The following DPH1 variants were observed in gnomAD, a reference collection of about 807,000 sequenced individuals.
DPH1 encodes diphthamide biosynthesis 1, also known as 2-(3-amino-3-carboxypropyl)histidine synthase subunit 1.
In DPH1, 59 loss-of-function variants were observed where a neutral mutation model predicts 55.3. The ratio of observed to expected loss-of-function variants is 1.07; its 90% CI spans 0.87 to 1.33. DPH1 has a LOEUF of 1.33. Ranked by LOEUF, DPH1 falls within the 40% of genes most tolerant of loss-of-function variation. DPH1 has a pLI of 0.00. For synonymous variants in DPH1, 238 were observed against 235.5 expected, an observed-to-expected ratio of 1.01 and a Z score of -0.10; for missense variants, 628 against 584.8, an observed-to-expected ratio of 1.07 and a Z score of -0.76.
At chr17:2,037,002 A>G (rs2067437806) in intron 6 of DPH1, 46 bp downstream of exon 6, 1 of 1,576,398 alleles carries the variant, frequency 6.3e-7, no homozygotes, top group African/African-American at 1.4e-5. Flanking sequence ...ACATGCGTGT[A>G]CCCTGGGAGG....
chr17:2,030,351 G>A, intron 1 of DPH1, 121 bp downstream of exon 1: 1 of 1,219,838 alleles, frequency 8.2e-7, no homozygotes, highest in South Asian at 1.6e-5. Flanking sequence ...CCCGCTGTTA[G>A]TCGCCTTGGG....
In DPH1 at chr17:2,041,655, G is replaced by A. The variant is rs1460765618; in HGVS notation, c.1227+34G>A. ...GGGCTTCCAGGAGGGAGGAGAGACC[G>A]CGCCTGGGCACTGGCCGCCGCCCTG... On this transcript the variant is annotated intron_variant, in intron 11 of 12. Coordinates refer to ENST00000263083, the MANE Select transcript of DPH1 (RefSeq NM_001383.6). 12 of 1,589,370 alleles carry A rather than the reference G, an allele frequency of 7.6e-6. No individual in the cohort carries two copies. In the East Asian group the frequency reaches 1.4e-4, roughly 18 times the overall value.
chr17:2,042,362 C>T (rs1215063331), intron 12 of DPH1: 3 of 1,332,052 alleles, frequency 2.3e-6, no homozygotes, highest in African/African-American at 1.5e-5. Context: ...CTTCATTTCT[C>T]GCGACCCATA....
chr17:2,037,745 C>T (rs1033134313), intron 6 of DPH1, among the ~76,000 whole-genome samples: 4 of 152,340 alleles, frequency 2.6e-5, no homozygotes, highest in South Asian at 2.1e-4. Flanking sequence ...TTATCTTCCA[C>T]GCTCTGTAAT....
In DPH1 at chr17:2,040,344, G is replaced by T. The variant is rs1385721178; in HGVS notation, c.876G>T (p.Leu292Phe). ...CCTGGGGCCTTATTCTGGGCACTTT[G>T]GGCCGCCAGGGCAGTCCTAAGATCC... ...AKSWGLILGT[L>F]GRQGSPKILE... Residue 292 changes from leucine (L) to phenylalanine (F), a missense_variant, in exon 8 of 13, where the codon TTG (leucine) becomes TTT (phenylalanine). Transcript: ENST00000263083. 1.9e-6 allele frequency: 3 copies of T among 1,613,870 alleles called. No individual in the cohort carries two copies. Among genetic ancestry groups the T allele is most frequent in the Non-Finnish European group, 2.5e-6 (3 of 1,180,046 alleles).
chr17:2,043,195 G>C lies in DPH1; in HGVS notation c.*609G>C. 6.9e-7 allele frequency: 1 copy of C among 1,446,714 alleles called. No individual in the cohort carries two copies. The highest frequency in any genetic ancestry group is 9.4e-7 in the Non-Finnish European group (1 of 1,068,086). The allele number at this position is 1,446,714 out of a possible 1,614,324, so 89.6% of individuals were successfully genotyped here. ...CTCCCAGGACCCTCCACTCACTGCT[G>C]TGAGTGCGCCTCACCAGAACCAGTT... On this transcript the variant is annotated 3_prime_UTR_variant, in exon 13 of 13. Transcript: ENST00000263083.
chr17:2,041,975 T>C (rs1772503301), intron 12 of DPH1, 100 bp downstream of exon 12: 12 of 1,504,666 alleles, frequency 8.0e-6, no homozygotes, highest in Non-Finnish European at 9.7e-6. Context: ...GACGTTCGGT[T>C]CCGCCCCGTG....
rs768205267 is a variant in DPH1, at chr17:2,042,068, G to A, written c.*18+193G>A. On this transcript the variant is annotated intron_variant, in intron 12 of 12. Coordinates refer to ENST00000263083, the MANE Select transcript of DPH1 (RefSeq NM_001383.6). ...GCATAATGGCCGCGCAGCGACCCCT[G>A]CGGGTCCTGTGCCTGGCGGGCTTCC... The A allele has an allele frequency of 1.7e-5, 26 of 1,555,408 alleles. No individual in the cohort carries two copies. The African/African-American group carries it at 3.0e-4, about 18-fold the overall frequency.
At chr17:2,037,193 C>A in intron 6 of DPH1, 1 of 458,238 alleles carries the variant, frequency 2.2e-6, no homozygotes, top group Non-Finnish European at 3.6e-6. Context: ...ATCAGAGGGC[C>A]TGATGGGGGT....
intron 6 of DPH1, among the ~76,000 whole-genome samples, chr17:2,038,136 C>T (rs1463317847): frequency 3.5e-5 from 5 of 143,600 alleles, no homozygotes; most frequent in African/African-American, 1.3e-4. Context: ...ATAATGAAAC[C>T]CTGTTCTCTC....
rs762516476 is a variant in DPH1, at chr17:2,042,916, C to A, written c.*330C>A. The A allele has an allele frequency of 4.6e-5, 74 of 1,614,072 alleles. No homozygotes were observed. Among genetic ancestry groups the A allele is most frequent in the Non-Finnish European group, 5.9e-5 (70 of 1,180,054 alleles). ...GTTCAAGGAATCCATCCTGCAAAGG[C>A]CCTTGTCATTGCCTTCGCTCCATGT... On this transcript the variant is annotated 3_prime_UTR_variant, in exon 13 of 13. Coordinates refer to ENST00000263083, the MANE Select transcript of DPH1 (RefSeq NM_001383.6).
chr17:2,041,396 A>C, intron 10 of DPH1, 85 bp from the exon 11 acceptor site: 1 of 1,541,186 alleles, frequency 6.5e-7, no homozygotes, highest in South Asian at 1.2e-5. Context: ...TGTGCCCTTC[A>C]CAGGCCGTCG....
At chr17:2,037,533 A>G (rs2067445613) in intron 6 of DPH1, among the ~76,000 whole-genome samples, 1 of 152,064 alleles carries the variant, frequency 6.6e-6, no homozygotes. Flanking sequence ...ACAGGCCCAC[A>G]TCAGGGCCTT....
At position 2,037,081 on chromosome 17, in the gene DPH1, A is replaced by G. The variant is rs2067438639; in HGVS notation, c.680+125A>G. 3.6e-6 allele frequency: 5 copies of G among 1,391,900 alleles called. No homozygotes were observed. In the East Asian group the frequency reaches 1.2e-4, roughly 35 times the overall value. The allele number at this position is 1,391,900 out of a possible 1,614,324, so 86.2% of individuals were successfully genotyped here. A position where few individuals can be genotyped will look rare whatever the true frequency, so the allele number is the denominator to read the frequency against. On this transcript the variant is annotated intron_variant, in intron 6 of 12. Coordinates refer to ENST00000263083, the MANE Select transcript of DPH1 (RefSeq NM_001383.6). ...TCCTTACCTGTGAGCCCGAGGTCAC[A>G]CTGCAAGGTAGGGACCAAACAGGGA...
rs201076922 is a variant in DPH1, at chr17:2,036,690, G to C, written c.558+4G>C. Reference sequence around the variant, plus strand: ...TCAGTTTGTGTCGACCTTGCAGGTGGGTGGAACGAGGATCCTCGGCCTCCT... The same window carrying C: ...TCAGTTTGTGTCGACCTTGCAGGTGCGTGGAACGAGGATCCTCGGCCTCCT... On this transcript the variant is annotated splice_donor_region_variant and intron_variant, in intron 5 of 12. Coordinates refer to ENST00000263083, the MANE Select transcript of DPH1 (RefSeq NM_001383.6). The surrounding 1 kb of genome is among the most constrained non-coding windows in gnomAD (Gnocchi z 4.8). 9.9e-6 allele frequency: 16 copies of C among 1,613,960 alleles called. No individual in the cohort carries two copies. Among genetic ancestry groups the C allele is most frequent in the Middle Eastern group, 1.6e-4 (1 of 6,062 alleles).
chr17:2,031,350 C>T (rs1180290324), intron 1 of DPH1, among the ~76,000 whole-genome samples: 1 of 151,964 alleles, frequency 6.6e-6, no homozygotes, highest in Non-Finnish European at 1.5e-5. Flanking sequence ...TACCTGAGGT[C>T]AGGAGTTTGA....
At chr17:2,040,400 G>A (rs1432699460) in intron 8 of DPH1, 26 bp downstream of exon 8, 1 of 1,613,404 alleles carries the variant, frequency 6.2e-7, no homozygotes, top group East Asian at 2.2e-5. Context: ...ACAGCCTCTG[G>A]AGGAGGGAAG....
In DPH1 at chr17:2,036,998, G is replaced by T. The variant is rs371361809; in HGVS notation, c.680+42G>T. On this transcript the variant is annotated intron_variant, in intron 6 of 12. Transcript: ENST00000263083. This position sits in a 1 kb window ranked among gnomAD's most constrained non-coding sequence, Gnocchi z 4.8. ...GGCCAAGTAAGTCCTAGAGACATGC[G>T]TGTACCCTGGGAGGGAGCCTGAGGT... is the stretch of plus-strand genomic sequence containing the variant. 85 of 1,589,562 alleles carry T rather than the reference G, an allele frequency of 5.3e-5. No homozygotes were observed. Among genetic ancestry groups the T allele is most frequent in the African/African-American group, 4.7e-4 (35 of 73,944 alleles).
At chr17:2,040,652 G>A (rs1178159764) in intron 9 of DPH1, 47 bp downstream of exon 9, 1 of 1,598,090 alleles carries the variant, frequency 6.3e-7, no homozygotes, top group Non-Finnish European at 8.6e-7. Flanking sequence ...TTAGAAGCTG[G>A]GTCTTGCCCA....
Sources: gnomAD v4.1 joint callset for allele counts (sites outside exome capture counted in the v4.1 genomes callset) on GRCh38, gnomAD v4.1.1 for gene constraint, Gnocchi (gnomAD v3.1) non-coding constraint, MANE v1.5 for transcripts, NCBI Gene and HGNC (gene_info 2026-07-23, HGNC 2026-07-21) for gene names.